The following RBFOX1 variants were observed in gnomAD, a reference collection of about 807,000 sequenced individuals.
RBFOX1 encodes RNA binding protein fox-1 homolog 1.
RBFOX1 carries 8 observed loss-of-function variants against 57.7 expected under a neutral mutation model. The observed-to-expected ratio is 0.14, with a 90% CI of 0.08 to 0.25. The LOEUF (loss-of-function observed/expected upper bound fraction) is 0.25, where lower values mean the gene tolerates loss of function less well. RBFOX1 is among the 10% of genes least tolerant of loss of function. The pLI is 1.00. For synonymous variants in RBFOX1, 326 were observed against 222.4 expected, an observed-to-expected ratio of 1.47 and a Z score of -4.15; for missense variants, 611 against 548.5, an observed-to-expected ratio of 1.11 and a Z score of -1.14.
intron 9 of RBFOX1, among the ~76,000 whole-genome samples, chr16:7,597,796 A>C (rs1313966968): frequency 6.6e-6 from 1 of 152,210 alleles, no homozygotes; most frequent in Non-Finnish European, 1.5e-5. Context: ...GTTGATTACT[A>C]ATCATTCCTG....
In RBFOX1 at chr16:7,403,571, C is replaced by CG. The variant is rs1287803240; in HGVS notation, c.28-114576_28-114575insG. Among the ~76,000 whole-genome samples, 35 of 147,088 alleles carry CG rather than the reference C, an allele frequency of 2.4e-4. No individual in the cohort carries two copies. The East Asian group carries it at 5.3e-3, about 22-fold the overall frequency. On this transcript the variant is annotated intron_variant, in intron 4 of 15. Coordinates refer to ENST00000550418, the MANE Select transcript of RBFOX1 (RefSeq NM_018723.4). Reference sequence around the variant, plus strand: ...ATTGCAAATGAGAGAATCCCCCCCCCCCCACTTTTTTTTTGCCCAGTCTGG... The same window carrying CG: ...ATTGCAAATGAGAGAATCCCCCCCCCGCCCACTTTTTTTTTGCCCAGTCTGG...
At chr16:5,396,805 C>T (rs1399965392) in intron 1 of RBFOX1, among the ~76,000 whole-genome samples, 2 of 152,204 alleles carry the variant, frequency 1.3e-5, no homozygotes, top group East Asian at 3.9e-4. Context: ...TTGAAGCCAG[C>T]AAACTCCAGC....
intron 4 of RBFOX1, among the ~76,000 whole-genome samples, chr16:7,127,992 C>T (rs966987750): frequency 2.2e-4 from 33 of 152,134 alleles, no homozygotes; most frequent in Non-Finnish European, 3.1e-4. Context: ...CACAAATACA[C>T]GGTTTGAAAT....
intron 2 of RBFOX1, among the ~76,000 whole-genome samples, chr16:6,545,435 A>C (rs1159162851): frequency 6.6e-6 from 1 of 152,024 alleles, no homozygotes; most frequent in Non-Finnish European, 1.5e-5. Context: ...AGGGCTTTCA[A>C]CACCCTGTCC....
chr16:5,537,418 A>G (rs1215498363), intron 2 of RBFOX1, among the ~76,000 whole-genome samples: 1 of 152,178 alleles, frequency 6.6e-6, no homozygotes, highest in East Asian at 1.9e-4. Context: ...GCCAACAAAA[A>G]ATTTATTATT....
chr16:5,579,838 C>T (rs2046602042), intron 2 of RBFOX1, among the ~76,000 whole-genome samples: 1 of 151,882 alleles, frequency 6.6e-6, no homozygotes, highest in Non-Finnish European at 1.5e-5. Flanking sequence ...CAGCTCACTG[C>T]AACCTCCGCC....
At chr16:5,849,607 T>C (rs1227095757) in intron 3 of RBFOX1, among the ~76,000 whole-genome samples, 1 of 152,248 alleles carries the variant, frequency 6.6e-6, no homozygotes, top group Non-Finnish European at 1.5e-5. Flanking sequence ...CAGTCACCAG[T>C]GCTCAGAGTC....
intron 9 of RBFOX1, among the ~76,000 whole-genome samples, chr16:7,604,607 T>C (rs957099440): frequency 2.0e-5 from 3 of 152,292 alleles, no homozygotes; most frequent in East Asian, 1.9e-4. Flanking sequence ...AGACAGATTA[T>C]AGATACGTTT....
At chr16:5,549,878 C>T (rs1203107139) in intron 2 of RBFOX1, among the ~76,000 whole-genome samples, 2 of 152,000 alleles carry the variant, frequency 1.3e-5, no homozygotes, top group African/African-American at 2.4e-5. Flanking sequence ...TCTTGCAGGC[C>T]CAGGTGTGGA....
intron 1 of RBFOX1, among the ~76,000 whole-genome samples, chr16:6,173,221 G>A (rs185139166): frequency 3.2e-4 from 49 of 152,246 alleles, no homozygotes; most frequent in Non-Finnish European, 2.9e-5. Context: ...CACTTCTGAG[G>A]GGTGGGGTAG....
chr16:5,428,015 G>A (rs111292789), intron 1 of RBFOX1, among the ~76,000 whole-genome samples: 4,359 of 152,300 alleles, frequency 0.029, 69 homozygotes, highest in Middle Eastern at 0.044. Flanking sequence ...GGATGCTGCG[G>A]TATTAATTGT....
At chr16:6,780,217 A>ATTGATATG in intron 3 of RBFOX1, among the ~76,000 whole-genome samples, 1 of 66,252 alleles carries the variant, frequency 1.5e-5, no homozygotes, top group Non-Finnish European at 2.4e-5. Context: ...ATTTATATAT[A>ATTGATATG]TTTATATATA....
At chr16:7,003,274 C>G (rs976916861) in intron 3 of RBFOX1, among the ~76,000 whole-genome samples, 1 of 151,760 alleles carries the variant, frequency 6.6e-6, no homozygotes, top group African/African-American at 2.4e-5. Flanking sequence ...TCCTGGCCAA[C>G]ATGGTGAAAC....
intron 1 of RBFOX1, among the ~76,000 whole-genome samples, chr16:6,154,601 G>C (rs1038274218): frequency 6.6e-6 from 1 of 152,168 alleles, no homozygotes; most frequent in African/African-American, 2.4e-5. Context: ...CATTATTGCT[G>C]TTTATTTCCT....
At chr16:5,930,082 G>T (rs1190068686) in intron 4 of RBFOX1, among the ~76,000 whole-genome samples, 1 of 151,586 alleles carries the variant, frequency 6.6e-6, no homozygotes, top group Non-Finnish European at 1.5e-5. Flanking sequence ...CTGGGAGGGG[G>T]TTTGCGTTTG....
chr16:5,636,591 C>T (rs182662700), intron 3 of RBFOX1, among the ~76,000 whole-genome samples: 1 of 152,212 alleles, frequency 6.6e-6, no homozygotes, highest in East Asian at 1.9e-4. Context: ...TTTATTGGCT[C>T]ATGAACTGGG....
At chr16:6,540,118 T>C (rs7186335) in intron 2 of RBFOX1, among the ~76,000 whole-genome samples, 1 of 151,878 alleles carries the variant, frequency 6.6e-6, no homozygotes, top group African/African-American at 2.4e-5. Flanking sequence ...GAAGAACCCA[T>C]GTTTTTAGCA....
chr16:5,284,756 ATTT>A (rs1166998032), intron 1 of RBFOX1, among the ~76,000 whole-genome samples: 57 of 61,044 alleles, frequency 9.3e-4, no homozygotes, highest in Middle Eastern at 0.018. Context: ...TTTGGCTTAG[ATTT>A]TTTTTTTTTT....
intron 1 of RBFOX1, among the ~76,000 whole-genome samples, chr16:6,142,142 C>G (rs562347882): frequency 8.1e-6 from 1 of 123,270 alleles, no homozygotes; most frequent in Non-Finnish European, 1.6e-5. Flanking sequence ...TCTAAAAAAT[C>G]AGCTTTTCTA....
Sources: gnomAD v4.1 joint callset for allele counts (sites outside exome capture counted in the v4.1 genomes callset) on GRCh38, gnomAD v4.1.1 for gene constraint, MANE v1.5 for transcripts, NCBI Gene and HGNC (gene_info 2026-07-23, HGNC 2026-07-21) for gene names.